The following C1orf74 variants were observed in gnomAD, a reference collection of about 807,000 sequenced individuals.
C1orf74 encodes UPF0739 protein C1orf74.
In C1orf74, 5 loss-of-function variants were observed where a neutral mutation model predicts 7.3. The ratio of observed to expected loss-of-function variants is 0.68; its 90% CI spans 0.36 to 1.44. The LOEUF (loss-of-function observed/expected upper bound fraction) is 1.44, where lower values mean the gene tolerates loss of function less well. C1orf74 is among the 40% of genes most tolerant of loss of function. The pLI, the probability that C1orf74 is intolerant of heterozygous loss-of-function variation, is 0.04. For missense variants in C1orf74, 291 were observed against 314.3 expected (o/e 0.93, Z 0.56); for synonymous variants, 121 against 132.5 (o/e 0.91, Z 0.59).
chr1:209,780,357 A>G lies in C1orf74; in HGVS notation c.*2468T>C, dbSNP rs2077749069. The G allele has an allele frequency of 2.9e-6, 3 of 1,022,158 alleles. No homozygotes were observed. The South Asian group carries it at 7.9e-5, about 27-fold the overall frequency. The allele number at this position is 1,022,158 out of a possible 1,614,324, so 63.3% of individuals were successfully genotyped here. A position where few individuals can be genotyped will look rare whatever the true frequency, so the allele number is the denominator to read the frequency against. The stretch of plus-strand genomic sequence containing the variant: ...AGAGAATGCCATCAGTCTAGCCAAG[A>G]GCACGCCCTCCCAAGTTCCCTCCCC... On this transcript the variant is annotated 3_prime_UTR_variant, in exon 2 of 2. Transcript: ENST00000294811.
chr1:209,782,772 A>G lies in C1orf74; in HGVS notation c.*53T>C, dbSNP rs1409985143. The stretch of plus-strand genomic sequence containing the variant: ...GTTGAGATGATTATTTGCCATCCCC[A>G]ACCTAGAGATGATCATTTACTGAGT... On this transcript the variant is annotated 3_prime_UTR_variant, in exon 2 of 2. Transcript: ENST00000294811. 6 of 1,545,824 alleles carry G rather than the reference A, an allele frequency of 3.9e-6. No individual in the cohort carries two copies. In the African/African-American group the frequency reaches 6.8e-5, roughly 18 times the overall value.
At position 209,783,522 on chromosome 1, in the gene C1orf74, T is replaced by C; in HGVS notation, c.113A>G (p.His38Arg). 1 of 1,614,068 alleles carries C rather than the reference T, an allele frequency of 6.2e-7. No individual in the cohort carries two copies. Among genetic ancestry groups the C allele is most frequent in the Non-Finnish European group, 8.5e-7 (1 of 1,180,004 alleles). ...CACAGCCAGCACCTCTCCAGCTAAG[T>C]GAAGGCAGATGGCTTGGGGTGGACT... ...RRSPPQAICL[H>R]LAGEVLAVAR... Residue 38 changes from histidine (H) to arginine (R), a missense_variant, in exon 2 of 2, where the codon CAC becomes CGC. Transcript: ENST00000294811.
At chr1:209,784,100 C>T (rs943687341) in intron 1 of C1orf74, among the ~76,000 whole-genome samples, 1 of 152,144 alleles carries the variant, frequency 6.6e-6, no homozygotes, top group Non-Finnish European at 1.5e-5. Flanking sequence ...CTGACAACTC[C>T]CCTACTCTTC....
chr1:209,783,275 G>A lies in C1orf74; in HGVS notation c.360C>T (p.Cys120=). 6.2e-7 allele frequency: 1 copy of A among 1,614,194 alleles called. No homozygotes were observed. Among genetic ancestry groups the A allele is most frequent in the South Asian group, 1.1e-5 (1 of 91,086 alleles). ...GGGAGCAGACAGAAGGGTGACGCTG[G>A]CAGCTGGAAACATCCACAAAGGCTA... ...GTIAFVDVSS[C]QRHPSVCSLD... is the part of the protein sequence containing the mutation. Residue 120 remains cysteine (C), a synonymous_variant, in exon 2 of 2, where the codon TGC becomes TGT. Coordinates refer to ENST00000294811, the MANE Select transcript of C1orf74 (RefSeq NM_152485.4).
At position 209,779,837 on chromosome 1, in the gene C1orf74, C is replaced by A; in HGVS notation, c.*2988G>T. 1 of 270,150 alleles carries A rather than the reference C, an allele frequency of 3.7e-6. No homozygotes were observed. The highest frequency in any genetic ancestry group is 7.2e-5 in the South Asian group (1 of 13,934). 16.7% of individuals were successfully genotyped at this position (270,150 alleles called of 1,614,324 possible). A position where few individuals can be genotyped will look rare whatever the true frequency, so the allele number is the denominator to read the frequency against. On this transcript the variant is annotated 3_prime_UTR_variant, in exon 2 of 2. Coordinates refer to ENST00000294811, the MANE Select transcript of C1orf74 (RefSeq NM_152485.4). Reference sequence around the variant, plus strand: ...CTCCTCACCTGTCCACTACACACGACCTTTTGTTTTCTCTTCACAATCATT... The same window carrying A: ...CTCCTCACCTGTCCACTACACACGAACTTTTGTTTTCTCTTCACAATCATT...
Position 209,779,451 on chromosome 1 carries a change from T to G in C1orf74, c.*3374A>C. On this transcript the variant is annotated 3_prime_UTR_variant, in exon 2 of 2. Coordinates refer to ENST00000294811, the MANE Select transcript of C1orf74 (RefSeq NM_152485.4). ...CCTAGAGGCAGCGGGATGGACTACA[T>G]GACCTCCTGGAGTCCCAGCCAGTTC... The G allele has an allele frequency of 2.3e-6, 3 of 1,288,178 alleles. No homozygotes were observed. The highest frequency in any genetic ancestry group is 2.3e-6 in the Non-Finnish European group (2 of 886,620). The allele number at this position is 1,288,178 out of a possible 1,614,324, so 79.8% of individuals were successfully genotyped here. A position where few individuals can be genotyped will look rare whatever the true frequency, so the allele number is the denominator to read the frequency against.
chr1:209,783,953 C>G (rs2077815680), intron 1 of C1orf74, among the ~76,000 whole-genome samples: 1 of 152,046 alleles, frequency 6.6e-6, no homozygotes, highest in Non-Finnish European at 1.5e-5. Context: ...TCACCTGTTG[C>G]AAATTACGTT....
Position 209,780,961 on chromosome 1 carries a change from C to T in C1orf74, c.*1864G>A, listed in dbSNP as rs2077765687. On this transcript the variant is annotated 3_prime_UTR_variant, in exon 2 of 2. Transcript: ENST00000294811. ...CTCTTCCTTTGTACATACTCACAAA[C>T]ATACACATCCCCAGAAGTATTGATA... 5.4e-6 allele frequency: 1 copy of T among 186,674 alleles called. No homozygotes were observed. The highest frequency in any genetic ancestry group is 6.0e-5 in the Admixed American group (1 of 16,752). The allele number at this position is 186,674 out of a possible 1,614,324, so 11.6% of individuals were successfully genotyped here.
In C1orf74 at chr1:209,783,616, T is replaced by C. The variant is rs1056805686; in HGVS notation, c.19A>G (p.Met7Val). 1 of 1,597,388 alleles carries C rather than the reference T, an allele frequency of 6.3e-7. No homozygotes were observed. The highest frequency in any genetic ancestry group is 1.8e-4 in the Middle Eastern group (1 of 5,518). Residue 7 changes from methionine to valine, a missense_variant, in exon 2 of 2, where the codon ATG (methionine) becomes GTG (valine). Physicochemically the swap from Met to Val is conservative, Grantham distance 21 (BLOSUM62 1). Transcript: ENST00000294811. The part of the protein sequence containing the change: MLLLDL[M>V]SSPSPQLLVA... ...AGCAGCTGAGGGCTCGGTGATGACA[T>C]GAGATCTAGAAGCAACATCAAGAAT...
At position 209,782,589 on chromosome 1, in the gene C1orf74, C is replaced by G. The variant is rs1422654048; in HGVS notation, c.*236G>C. 3 of 559,670 alleles carry G rather than the reference C, an allele frequency of 5.4e-6. No homozygotes were observed. Among genetic ancestry groups the G allele is most frequent in the Admixed American group, 3.2e-5 (1 of 30,894 alleles). 34.7% of individuals were successfully genotyped at this position (559,670 alleles called of 1,614,324 possible). A position where few individuals can be genotyped will look rare whatever the true frequency, so the allele number is the denominator to read the frequency against. On this transcript the variant is annotated 3_prime_UTR_variant, in exon 2 of 2. Transcript: ENST00000294811. Reference sequence around the variant, plus strand: ...TTTTATCCAGTGAAAATGAAAACATCTCCACTAAGAGGACTTCCTAGTATA... The same window carrying G: ...TTTTATCCAGTGAAAATGAAAACATGTCCACTAAGAGGACTTCCTAGTATA...
chr1:209,781,376 T>C lies in C1orf74; in HGVS notation c.*1449A>G. 6.2e-7 allele frequency: 1 copy of C among 1,613,388 alleles called. No homozygotes were observed. ...GAACTGCATTCAGAATTAGACAACC[T>C]CAGTGACGAGTATCTCTCCTGCCTG... On this transcript the variant is annotated 3_prime_UTR_variant, in exon 2 of 2. Coordinates refer to ENST00000294811, the MANE Select transcript of C1orf74 (RefSeq NM_152485.4).
chr1:209,783,175 A>G lies in C1orf74; in HGVS notation c.460T>C (p.Ser154Pro), dbSNP rs771765506. 1.7e-5 allele frequency: 27 copies of G among 1,614,030 alleles called. No individual in the cohort carries two copies. The South Asian group carries it at 2.4e-4, about 14-fold the overall frequency. Reference sequence around the variant, plus strand: ...AGCCTGCTGTAGGAGACTGCTAGAGATAAGTCCCTCTGCAGCCCCTGCAAA... The same window carrying G: ...AGCCTGCTGTAGGAGACTGCTAGAGGTAAGTCCCTCTGCAGCCCCTGCAAA... ...THLQGLQRDL[S>P]LAVSYSRLHS... The change falls in exon 2 of 2, where the codon TCT (serine) becomes CCT (proline). Residue 154 changes from serine (S) to proline (P), a missense_variant. Transcript: ENST00000294811.
At position 209,779,240 on chromosome 1, in the gene C1orf74, T is replaced by G; in HGVS notation, c.*3585A>C. 1 of 1,253,392 alleles carries G rather than the reference T, an allele frequency of 8.0e-7. No individual in the cohort carries two copies. Among genetic ancestry groups the G allele is most frequent in the Non-Finnish European group, 1.1e-6 (1 of 870,180 alleles). The allele number at this position is 1,253,392 out of a possible 1,614,324, so 77.6% of individuals were successfully genotyped here. A position where few individuals can be genotyped will look rare whatever the true frequency, so the allele number is the denominator to read the frequency against. The stretch of plus-strand genomic sequence containing the variant: ...GGAACATATTTAATAACCAAGGTTC[T>G]AAGCAAAGTTCTGAAAAGAAAACTT... On this transcript the variant is annotated 3_prime_UTR_variant, in exon 2 of 2. Coordinates refer to ENST00000294811, the MANE Select transcript of C1orf74 (RefSeq NM_152485.4).
In C1orf74 at chr1:209,782,137, C is replaced by T; in HGVS notation, c.*688G>A. On this transcript the variant is annotated 3_prime_UTR_variant, in exon 2 of 2. Transcript: ENST00000294811. ...AGTGTTCCTGGCCAATAAAGACAACCTGATGATCTGAATAATTTGTGACAA... is the reference window on the plus strand; with the variant it reads ...AGTGTTCCTGGCCAATAAAGACAACTTGATGATCTGAATAATTTGTGACAA... 6.2e-7 allele frequency: 1 copy of T among 1,613,616 alleles called. No homozygotes were observed. The highest frequency in any genetic ancestry group is 1.7e-4 in the Middle Eastern group (1 of 6,060).
In C1orf74 at chr1:209,782,760, T is replaced by C. The variant is rs747958511; in HGVS notation, c.*65A>G. The C allele has an allele frequency of 8.6e-5, 128 of 1,490,272 alleles. No individual in the cohort carries two copies. Among genetic ancestry groups the C allele is most frequent in the Non-Finnish European group, 1.1e-4 (115 of 1,092,240 alleles). 92.3% of individuals were successfully genotyped at this position (1,490,272 alleles called of 1,614,324 possible). A position where few individuals can be genotyped will look rare whatever the true frequency, so the allele number is the denominator to read the frequency against. On this transcript the variant is annotated 3_prime_UTR_variant, in exon 2 of 2. Transcript: ENST00000294811. ...TTGGAATTGGCAGTTGAGATGATTA[T>C]TTGCCATCCCCAACCTAGAGATGAT...
In C1orf74 at chr1:209,780,070, T is replaced by C. The variant is rs1046329502; in HGVS notation, c.*2755A>G. The C allele has an allele frequency of 3.2e-5, 5 of 158,164 alleles. 1 individual carries two copies. The South Asian group carries it at 8.0e-4, about 25-fold the overall frequency. 9.8% of individuals were successfully genotyped at this position (158,164 alleles called of 1,614,324 possible). ...CCATATGAAGATAAATTTTAGGATA[T>C]GACTGCCATCTTCACAACTTTCAAA... On this transcript the variant is annotated 3_prime_UTR_variant, in exon 2 of 2. Transcript: ENST00000294811.
In C1orf74 at chr1:209,781,464, A is replaced by G; in HGVS notation, c.*1361T>C. ...GCCAGCAGCTGCCTCCCAGAGTAAG[A>G]GGGTCTCTCCTTCCCATAAAGCCCT... On this transcript the variant is annotated 3_prime_UTR_variant, in exon 2 of 2. Coordinates refer to ENST00000294811, the MANE Select transcript of C1orf74 (RefSeq NM_152485.4). 6.2e-7 allele frequency: 1 copy of G among 1,604,572 alleles called. No individual in the cohort carries two copies. The highest frequency in any genetic ancestry group is 2.2e-5 in the East Asian group (1 of 44,770).
chr1:209,780,397 G>A lies in C1orf74; in HGVS notation c.*2428C>T, dbSNP rs1175435586. On this transcript the variant is annotated 3_prime_UTR_variant, in exon 2 of 2. Coordinates refer to ENST00000294811, the MANE Select transcript of C1orf74 (RefSeq NM_152485.4). ...GTTCCCTCCCCTCTCCCCACTCCTA[G>A]TGGTTTCACCCTCAGGGCCCTTCCT... 7.3e-7 allele frequency: 1 copy of A among 1,375,390 alleles called. No homozygotes were observed. The highest frequency in any genetic ancestry group is 9.6e-7 in the Non-Finnish European group (1 of 1,046,362). 85.2% of individuals were successfully genotyped at this position (1,375,390 alleles called of 1,614,324 possible).
In C1orf74 at chr1:209,783,451, C is replaced by T. The variant is rs202046555; in HGVS notation, c.184G>A (p.Gly62Arg). Residue 62 changes from glycine to arginine, a missense_variant, in exon 2 of 2, where the codon GGG becomes AGG. Gly to Arg is a moderately radical substitution (Grantham distance 125). Coordinates refer to ENST00000294811, the MANE Select transcript of C1orf74 (RefSeq NM_152485.4). ...PAVLYDCNCAGASELQSYLEE... is the reference protein window; with the variant it reads ...PAVLYDCNCARASELQSYLEE... ...AGATAGCTCTGGAGCTCTGATGCCC[C>T]TGCACAGTTGCAATCATAGAGCACA... The T allele has an allele frequency of 4.5e-5, 72 of 1,614,002 alleles. No individual in the cohort carries two copies. The highest frequency in any genetic ancestry group is 4.7e-5 in the Non-Finnish European group (55 of 1,180,030).
Sources: allele counts gnomAD v4.1 joint callset (sites outside exome capture counted in the v4.1 genomes callset), GRCh38; gene constraint gnomAD v4.1.1; transcripts MANE v1.5; gene names NCBI Gene and HGNC (gene_info 2026-07-23, HGNC 2026-07-21).